The following RASA3 variants were observed in gnomAD, a reference collection of about 807,000 sequenced individuals.
The protein encoded by RASA3 is ras GTPase-activating protein 3.
RASA3 carries 73 observed loss-of-function variants against 110.0 expected under a neutral mutation model. That is an observed-to-expected ratio of 0.66 (90% CI 0.55 to 0.81). The LOEUF (loss-of-function observed/expected upper bound fraction) is 0.81. Ranked by LOEUF, RASA3 falls within the 30% of genes least tolerant of loss-of-function variation. RASA3 has a pLI of 0.00. For synonymous variants in RASA3, 500 were observed against 451.4 expected, an observed-to-expected ratio of 1.11 and a Z score of -1.37; for missense variants, 976 against 1,113.2, an observed-to-expected ratio of 0.88 and a Z score of 1.75.
At chr13:114,054,547 C>T (rs2079205423) in intron 2 of RASA3, among the ~76,000 whole-genome samples, 1 of 152,288 alleles carries the variant, frequency 6.6e-6, no homozygotes, top group African/African-American at 2.4e-5. Context: ...TAATGACAGG[C>T]ATTTCATTTG....
chr13:114,018,366 A>C, intron 10 of RASA3, 114 bp from the exon 11 acceptor site: 1 of 1,312,042 alleles, frequency 7.6e-7, no homozygotes, highest in Non-Finnish European at 1.0e-6. Context: ...CTCTTTGCTG[A>C]GACAGAAACA....
At chr13:114,013,644 CTT>C (rs1221738391) in intron 14 of RASA3, among the ~76,000 whole-genome samples, 40 of 144,342 alleles carry the variant, frequency 2.8e-4, no homozygotes, top group Non-Finnish European at 3.3e-4. Flanking sequence ...CTCTCCATCT[CTT>C]TGTCTCTCTC....
In RASA3 at chr13:114,013,829, CGTCT is replaced by C. The variant is rs71808195; in HGVS notation, c.1406-585_1406-582del. ...CTCTCTCTCCCCGTCTCTTTCTCTC[CGTCT>C]GTCTCTCTCTCCATCTCTCTGTCTC... On this transcript the variant is annotated intron_variant, in intron 14 of 23. Coordinates refer to ENST00000334062, the MANE Select transcript of RASA3 (RefSeq NM_007368.4). Among the ~76,000 whole-genome samples the C allele has an allele frequency of 9.1e-3, 1,131 of 123,660 alleles. 35 individuals carry two copies. Among genetic ancestry groups the C allele is most frequent in the African/African-American group, 0.033 (1,068 of 32,382 alleles). 81.1% of individuals were successfully genotyped at this position (123,660 alleles called of 152,430 possible). A position where few individuals can be genotyped will look rare whatever the true frequency, so the allele number is the denominator to read the frequency against.
At chr13:114,047,888 A>G (rs1306609959) in intron 3 of RASA3, among the ~76,000 whole-genome samples, 1 of 152,230 alleles carries the variant, frequency 6.6e-6, no homozygotes, top group Non-Finnish European at 1.5e-5. Flanking sequence ...AAGGGGCCCA[A>G]AGGAGTGTTC....
chr13:113,982,749 T>C (rs894450735), intron 22 of RASA3, among the ~76,000 whole-genome samples: 2 of 152,070 alleles, frequency 1.3e-5, no homozygotes, highest in Non-Finnish European at 2.9e-5. Context: ...CTTTGGGAGG[T>C]GACAAGGCGT....
intron 2 of RASA3, among the ~76,000 whole-genome samples, chr13:114,061,926 G>C (rs1203595082): frequency 2.0e-5 from 3 of 152,102 alleles, no homozygotes; most frequent in African/African-American, 7.2e-5. Context: ...CGGCGCAGGG[G>C]TTGGGCGGGG....
chr13:114,057,038 C>T lies in RASA3; in HGVS notation c.174-4883G>A, dbSNP rs764333167. Among the ~76,000 whole-genome samples the T allele has an allele frequency of 1.3e-5, 2 of 152,148 alleles. No homozygotes were observed. Among genetic ancestry groups the T allele is most frequent in the Non-Finnish European group, 2.9e-5 (2 of 68,028 alleles). On this transcript the variant is annotated intron_variant, in intron 2 of 23. Coordinates refer to ENST00000334062, the MANE Select transcript of RASA3 (RefSeq NM_007368.4). The surrounding 1 kb of genome is among the most constrained non-coding windows in gnomAD (Gnocchi z 5.0). ...GGTCCCCCCTCCTGAAGAAGGGGAA[C>T]GTCACACTCACAGTTCCATTTTACA...
chr13:114,020,866 G>A (rs530934235), intron 9 of RASA3, among the ~76,000 whole-genome samples: 2 of 152,300 alleles, frequency 1.3e-5, no homozygotes, highest in East Asian at 1.9e-4. Context: ...GACCCGGAGC[G>A]CAGCCGCGGC....
At chr13:114,073,316 CAT>C (rs2139669701) in intron 2 of RASA3, among the ~76,000 whole-genome samples, 1 of 75,348 alleles carries the variant, frequency 1.3e-5, no homozygotes, top group African/African-American at 5.8e-5. Context: ...ATTCCCTACA[CAT>C]GGGAAAATGG....
intron 1 of RASA3, among the ~76,000 whole-genome samples, chr13:114,088,942 G>A (rs942254799): frequency 6.6e-5 from 10 of 152,220 alleles, no homozygotes; most frequent in Admixed American, 1.3e-4. Context: ...GAGACGATCC[G>A]TAAGAAATAA....
chr13:114,076,589 C>T (rs891929261), intron 1 of RASA3, among the ~76,000 whole-genome samples: 2 of 151,990 alleles, frequency 1.3e-5, no homozygotes, highest in East Asian at 1.9e-4. Context: ...CACACACACG[C>T]GGCACACGCA....
chr13:114,066,556 C>T (rs2079453391), intron 2 of RASA3, among the ~76,000 whole-genome samples: 1 of 152,354 alleles, frequency 6.6e-6, no homozygotes, highest in South Asian at 2.1e-4. Context: ...GAGGCTCCTG[C>T]AGGCACAGGC....
At chr13:114,106,051 A>C (rs2080131235) in intron 1 of RASA3, among the ~76,000 whole-genome samples, 1 of 152,174 alleles carries the variant, frequency 6.6e-6, no homozygotes, top group Admixed American at 6.5e-5. Context: ...GAAGAGGATG[A>C]CCGGGTGTTG....
chr13:114,002,292 G>A (rs991219691), intron 18 of RASA3, among the ~76,000 whole-genome samples: 1 of 152,230 alleles, frequency 6.6e-6, no homozygotes. Context: ...GACGCACACC[G>A]GAGGGTGTGG....
chr13:114,105,946 G>A (rs898607046), intron 1 of RASA3, among the ~76,000 whole-genome samples: 3 of 152,200 alleles, frequency 2.0e-5, no homozygotes, highest in African/African-American at 7.2e-5. Context: ...GACACACAGA[G>A]CGTCTTGCAC....
At chr13:114,126,870 C>G (rs2080457401) in intron 1 of RASA3, among the ~76,000 whole-genome samples, 1 of 152,190 alleles carries the variant, frequency 6.6e-6, no homozygotes, top group East Asian at 1.9e-4. Context: ...AAAGAATTGT[C>G]AAGAAACGTG....
chr13:114,079,047 C>T (rs902759398), intron 1 of RASA3, among the ~76,000 whole-genome samples: 6 of 152,228 alleles, frequency 3.9e-5, no homozygotes, highest in African/African-American at 9.6e-5. Context: ...GTCTCCCAGG[C>T]GCTCAGCAGC....
intron 1 of RASA3, among the ~76,000 whole-genome samples, chr13:114,074,771 C>T (rs1444316006): frequency 2.0e-5 from 3 of 152,214 alleles, no homozygotes; most frequent in South Asian, 4.1e-4. Flanking sequence ...CAGAAAACGC[C>T]CGTGATCCCG....
At chr13:114,016,996 CT>C (rs1257969773) in intron 12 of RASA3, among the ~76,000 whole-genome samples, 9 of 152,158 alleles carry the variant, frequency 5.9e-5, no homozygotes, top group Non-Finnish European at 1.0e-4. Context: ...GCATGTTCTC[CT>C]TTGTGGAGTG....
Sources: allele counts gnomAD v4.1 joint callset (sites outside exome capture counted in the v4.1 genomes callset), GRCh38; gene constraint gnomAD v4.1.1; non-coding constraint Gnocchi (gnomAD v3.1); transcripts MANE v1.5; gene names NCBI Gene and HGNC (gene_info 2026-07-23, HGNC 2026-07-21).